Variants in FARSB observed in about 807,000 individuals in gnomAD.
The protein encoded by FARSB is phenylalanine--tRNA ligase beta subunit.
In FARSB, 40 loss-of-function variants were observed where a neutral mutation model predicts 69.6. The observed-to-expected ratio is 0.57, with a 90% confidence interval of 0.45 to 0.75. FARSB has a LOEUF of 0.75. Among genes scored for constraint, FARSB ranks in the 30% least tolerant of loss-of-function variants. The pLI is 0.00. For missense variants in FARSB, 632 were observed against 722.9 expected, an observed-to-expected ratio of 0.87 and a Z score of 1.44; for synonymous variants, 235 against 247.2, an observed-to-expected ratio of 0.95 and a Z score of 0.46.
At chr2:222,620,910 A>G (rs1461767979) in intron 13 of FARSB, among the ~76,000 whole-genome samples, 1 of 152,228 alleles carries the variant, frequency 6.6e-6, no homozygotes, top group Non-Finnish European at 1.5e-5. Context: ...GATTCTTGCC[A>G]TGCTTTCTTG....
intron 16 of FARSB, among the ~76,000 whole-genome samples, chr2:222,597,701 C>T (rs750718899): frequency 7.9e-5 from 12 of 152,070 alleles, no homozygotes; most frequent in Non-Finnish European, 1.3e-4. Flanking sequence ...TTTCTTAAAT[C>T]AGTCCTTTCC....
chr2:222,613,931 A>T lies in FARSB; in HGVS notation c.1345-3T>A. The T allele has an allele frequency of 6.3e-7, 1 of 1,590,032 alleles. No individual in the cohort carries two copies. Among genetic ancestry groups the T allele is most frequent in the Non-Finnish European group, 8.6e-7 (1 of 1,158,212 alleles). On this transcript the variant is annotated splice_polypyrimidine_tract_variant and splice_region_variant and intron_variant, in intron 14 of 16. Transcript: ENST00000281828. ...GGAAGAAGGGTAGTGCGTGCCACCT[A>T]CAGGAAAAGACATGAAATTGCACTG...
At chr2:222,630,710 T>C (rs557917146) in intron 8 of FARSB, among the ~76,000 whole-genome samples, 1 of 152,346 alleles carries the variant, frequency 6.6e-6, no homozygotes, top group East Asian at 1.9e-4. Context: ...TACCGTGACC[T>C]TATTGGAATA....
chr2:222,614,257 A>C (rs1412783104), intron 14 of FARSB, among the ~76,000 whole-genome samples: 2 of 152,078 alleles, frequency 1.3e-5, no homozygotes, highest in African/African-American at 2.4e-5. Context: ...TCATTATTTT[A>C]TTTTTTCTTT....
chr2:222,640,203 G>T (rs79411091), intron 4 of FARSB, among the ~76,000 whole-genome samples: 5,860 of 152,260 alleles, frequency 0.038, 174 homozygotes, highest in African/African-American at 0.08. Context: ...AGAAGGGTAA[G>T]CTTTGGACCA....
intron 1 of FARSB, among the ~76,000 whole-genome samples, chr2:222,655,367 G>C (rs1164485263): frequency 6.6e-6 from 1 of 152,124 alleles, no homozygotes; most frequent in African/African-American, 2.4e-5. Flanking sequence ...TCAGGTCTCA[G>C]ATCAAATGTT....
At chr2:222,587,229 A>C (rs961073279) in intron 16 of FARSB, among the ~76,000 whole-genome samples, 22 of 152,362 alleles carry the variant, frequency 1.4e-4, no homozygotes, top group African/African-American at 5.3e-4. Context: ...AACTACATGG[A>C]AACTGGACAA....
At chr2:222,592,784 T>C (rs746452713) in intron 16 of FARSB, among the ~76,000 whole-genome samples, 5 of 151,790 alleles carry the variant, frequency 3.3e-5, no homozygotes, top group Non-Finnish European at 5.9e-5. Context: ...TCTCCATTTA[T>C]ATGCAGTTTT....
intron 2 of FARSB, chr2:222,644,616 T>C (rs1691802069): frequency 4.7e-6 from 2 of 421,934 alleles, no homozygotes; most frequent in Admixed American, 2.6e-5. Flanking sequence ...GGCATCTGCA[T>C]TCATTTTTCA....
chr2:222,649,234 TAAAAAAAAAA>T (rs71961708), intron 1 of FARSB, among the ~76,000 whole-genome samples: 435 of 88,348 alleles, frequency 4.9e-3, no homozygotes, highest in African/African-American at 0.018. Context: ...CTCAAAAAAT[TAAAAAAAAAA>T]AAAAAAAAAA....
At chr2:222,607,017 A>G (rs951337476) in intron 15 of FARSB, among the ~76,000 whole-genome samples, 3 of 152,352 alleles carry the variant, frequency 2.0e-5, no homozygotes, top group Admixed American at 2.0e-4. Flanking sequence ...CTTCTATTCC[A>G]TCCAACAAAT....
chr2:222,597,253 A>G (rs1238482094), intron 16 of FARSB, among the ~76,000 whole-genome samples: 1 of 152,220 alleles, frequency 6.6e-6, no homozygotes, highest in Non-Finnish European at 1.5e-5. Context: ...TCATACATGG[A>G]AAAACTTCAA....
intron 16 of FARSB, among the ~76,000 whole-genome samples, chr2:222,583,377 A>C (rs960841960): frequency 6.6e-6 from 1 of 152,356 alleles, no homozygotes; most frequent in Middle Eastern, 3.4e-3. Flanking sequence ...AAGTGATTAC[A>C]GTGAACATTA....
At chr2:222,580,086 T>C (rs898339798) in intron 16 of FARSB, among the ~76,000 whole-genome samples, 1 of 152,030 alleles carries the variant, frequency 6.6e-6, no homozygotes, top group African/African-American at 2.4e-5. Flanking sequence ...AAACAACATA[T>C]TCATTACATA....
intron 3 of FARSB, among the ~76,000 whole-genome samples, chr2:222,641,757 T>C (rs781203408): frequency 6.6e-6 from 1 of 152,208 alleles, no homozygotes; most frequent in Non-Finnish European, 1.5e-5. Flanking sequence ...TAAAAGCATC[T>C]GATTGTCCCA....
rs1209594647 is a variant in FARSB at position 222,618,096 on chromosome 2, T to C, written c.1344+1549A>G. On this transcript the variant is annotated intron_variant, in intron 14 of 16. Transcript: ENST00000281828. ...GGAAACTAGACCTCAGAAAATAAAATATAACAACTCATTACTACAATCCTT... is the reference window on the plus strand; with the variant it reads ...GGAAACTAGACCTCAGAAAATAAAACATAACAACTCATTACTACAATCCTT... 2.0e-5 allele frequency among the ~76,000 whole-genome samples: 3 copies of C among 152,210 alleles called. No homozygotes were observed. In the East Asian group the frequency reaches 5.8e-4, roughly 29 times the overall value.
At chr2:222,622,746 G>A (rs1329138865) in intron 13 of FARSB, among the ~76,000 whole-genome samples, 3 of 152,098 alleles carry the variant, frequency 2.0e-5, no homozygotes, top group Non-Finnish European at 4.4e-5. Flanking sequence ...ATGGTGGCCT[G>A]GAACACAGCA....
intron 16 of FARSB, among the ~76,000 whole-genome samples, chr2:222,582,519 C>A (rs1392104668): frequency 6.6e-6 from 1 of 152,112 alleles, no homozygotes; most frequent in African/African-American, 2.4e-5. Flanking sequence ...ATTCTAAGTA[C>A]AAAAAGTAAT....
At chr2:222,621,604 TAC>T (rs1448276402) in intron 13 of FARSB, among the ~76,000 whole-genome samples, 1 of 152,260 alleles carries the variant, frequency 6.6e-6, no homozygotes, top group East Asian at 1.9e-4. Context: ...TTATAGTTTT[TAC>T]AGATATTATT....
Sources: gnomAD v4.1 joint callset for allele counts (sites outside exome capture counted in the v4.1 genomes callset) on GRCh38, gnomAD v4.1.1 for gene constraint, MANE v1.5 for transcripts, NCBI Gene and HGNC (gene_info 2026-07-23, HGNC 2026-07-21) for gene names.